Variants in TMEM232 observed in about 807,000 individuals in gnomAD.
TMEM232 encodes transmembrane protein 232.
Under a neutral mutation model 78.8 loss-of-function variants are expected in TMEM232, and 80 were observed. That is an observed-to-expected ratio of 1.01 (90% CI 0.85 to 1.22). The LOEUF is 1.22. TMEM232 is among the 50% of genes most tolerant of loss of function. The pLI, the probability that TMEM232 is intolerant of heterozygous loss-of-function variation, is 0.00. For synonymous variants in TMEM232, 297 were observed against 254.3 expected (o/e 1.17, Z -1.60); for missense variants, 881 against 742.2 (o/e 1.19, Z -2.17).
intron 12 of TMEM232, among the ~76,000 whole-genome samples, chr5:110,495,232 T>C (rs1262825355): frequency 6.6e-6 from 1 of 151,874 alleles, no homozygotes; most frequent in East Asian, 1.9e-4. Flanking sequence ...CTTATCTATA[T>C]ATGTTAACAT....
chr5:110,706,263 T>G (rs949853144), intron 1 of TMEM232, among the ~76,000 whole-genome samples: 2 of 152,172 alleles, frequency 1.3e-5, no homozygotes, highest in African/African-American at 4.8e-5. Flanking sequence ...AGGAAAAATT[T>G]ATCTGATTAT....
chr5:110,716,659 C>A (rs370998448), intron 1 of TMEM232, among the ~76,000 whole-genome samples: 8 of 152,268 alleles, frequency 5.3e-5, no homozygotes, highest in African/African-American at 1.9e-4. Context: ...TTCATTTGCT[C>A]ACTCACCACT....
At chr5:110,546,599 G>A (rs1213720825) in intron 11 of TMEM232, among the ~76,000 whole-genome samples, 1 of 152,098 alleles carries the variant, frequency 6.6e-6, no homozygotes, top group Non-Finnish European at 1.5e-5. Flanking sequence ...CAAAGGTTGT[G>A]CCATAAACAT....
chr5:110,672,393 T>C (rs1791471397), intron 1 of TMEM232, among the ~76,000 whole-genome samples: 1 of 152,194 alleles, frequency 6.6e-6, no homozygotes. Flanking sequence ...ATTTCTGGCT[T>C]ATTTTAGCAG....
chr5:110,648,614 T>G (rs532100062), intron 2 of TMEM232, among the ~76,000 whole-genome samples: 1 of 152,056 alleles, frequency 6.6e-6, no homozygotes, highest in East Asian at 1.9e-4. Context: ...CTAATTCCAT[T>G]CCCCTAAAAA....
intron 12 of TMEM232, among the ~76,000 whole-genome samples, chr5:110,479,246 T>C (rs1297234938): frequency 6.6e-6 from 1 of 151,802 alleles, no homozygotes; most frequent in East Asian, 1.9e-4. Context: ...TATAAAAACA[T>C]AGAAAAAATT....
At chr5:110,642,797 G>C (rs570205148) in intron 2 of TMEM232, among the ~76,000 whole-genome samples, 3 of 152,104 alleles carry the variant, frequency 2.0e-5, no homozygotes, top group South Asian at 2.1e-4. Flanking sequence ...GGATTTGAGG[G>C]AGCAAGGGAA....
intron 1 of TMEM232, among the ~76,000 whole-genome samples, chr5:110,691,927 T>C (rs1389406852): frequency 2.0e-5 from 3 of 152,186 alleles, no homozygotes; most frequent in Non-Finnish European, 4.4e-5. Flanking sequence ...TTTGTTTGTT[T>C]TTTGTTTTTT....
intron 2 of TMEM232, among the ~76,000 whole-genome samples, chr5:110,657,533 G>C (rs1339889240): frequency 6.6e-6 from 1 of 152,112 alleles, no homozygotes; most frequent in Non-Finnish European, 1.5e-5. Flanking sequence ...CTCATATGTG[G>C]AATCTTAAAA....
At chr5:110,688,998 C>T (rs1259781454) in intron 1 of TMEM232, among the ~76,000 whole-genome samples, 1 of 152,048 alleles carries the variant, frequency 6.6e-6, no homozygotes, top group Non-Finnish European at 1.5e-5. Flanking sequence ...ATGAAGATTC[C>T]CCCCATTTTT....
At chr5:110,724,864 C>CA (rs1294747005) in intron 1 of TMEM232, among the ~76,000 whole-genome samples, 1 of 151,292 alleles carries the variant, frequency 6.6e-6, no homozygotes, top group African/African-American at 2.4e-5. Context: ...ATGGTTTCAA[C>CA]AAAAAAACTT....
intron 2 of TMEM232, among the ~76,000 whole-genome samples, chr5:110,406,198 A>T (rs190568149): frequency 1.3e-4 from 19 of 151,774 alleles, no homozygotes; most frequent in African/African-American, 4.6e-4. Context: ...TGATATGCCA[A>T]TTATGGAAAA....
chr5:110,597,864 C>T (rs1056515424), intron 10 of TMEM232, among the ~76,000 whole-genome samples: 8 of 152,118 alleles, frequency 5.3e-5, no homozygotes, highest in Non-Finnish European at 8.8e-5. Flanking sequence ...AAAATTAATT[C>T]AAGATGGATT....
At chr5:110,723,128 C>T (rs1797812462) in intron 1 of TMEM232, among the ~76,000 whole-genome samples, 1 of 152,070 alleles carries the variant, frequency 6.6e-6, no homozygotes, top group Admixed American at 6.6e-5. Flanking sequence ...ACCAGTGAAC[C>T]TATCTGGGCC....
At chr5:110,462,905 A>G (rs1761692635) in intron 12 of TMEM232, among the ~76,000 whole-genome samples, 1 of 152,208 alleles carries the variant, frequency 6.6e-6, no homozygotes, top group African/African-American at 2.4e-5. Context: ...ACATATGTGG[A>G]GTTGCTTCTT....
At chr5:110,506,914 T>C (rs534615133) in intron 12 of TMEM232, among the ~76,000 whole-genome samples, 2 of 152,322 alleles carry the variant, frequency 1.3e-5, no homozygotes, top group African/African-American at 4.8e-5. Flanking sequence ...TCTTTTTTTC[T>C]GTCTTCCAGC....
chr5:110,495,074 TTTAA>T (rs1192321407), intron 12 of TMEM232, among the ~76,000 whole-genome samples: 1 of 151,374 alleles, frequency 6.6e-6, no homozygotes, highest in Non-Finnish European at 1.5e-5. Context: ...TATTTGTTAT[TTTAA>T]TTAAACTTCA....
intron 13 of TMEM232, among the ~76,000 whole-genome samples, chr5:110,421,567 G>T (rs992009359): frequency 2.0e-5 from 3 of 151,334 alleles, no homozygotes; most frequent in African/African-American, 7.3e-5. Flanking sequence ...CATTCCTAAA[G>T]ATACTGCCAA....
rs570306746 is a variant in TMEM232 at position 110,630,779 on chromosome 5, C to T, written c.502-2899G>A. 7.0e-4 allele frequency among the ~76,000 whole-genome samples: 106 copies of T among 152,144 alleles called. 1 individual carries two copies. The highest frequency in any genetic ancestry group is 2.4e-3 in the African/African-American group (101 of 41,510). ...AACTAATACAGAAGGGAAGCAAAAT[C>T]GGCTGGGAACACATAGGGGCTTGCT... On this transcript the variant is annotated intron_variant, in intron 5 of 13. Transcript: ENST00000455884.
Sources: gnomAD v4.1 joint callset for allele counts (sites outside exome capture counted in the v4.1 genomes callset) on GRCh38, gnomAD v4.1.1 for gene constraint, MANE v1.5 for transcripts, NCBI Gene and HGNC (gene_info 2026-07-23, HGNC 2026-07-21) for gene names.